The following KLHL5 variants were observed in gnomAD, a reference collection of about 807,000 sequenced individuals.
KLHL5 encodes the protein kelch-like protein 5.
Under a neutral mutation model 77.7 loss-of-function variants are expected in KLHL5, and 48 were observed. That is an observed-to-expected ratio of 0.62 (90% CI 0.49 to 0.79). The LOEUF is 0.79. Among genes scored for constraint, KLHL5 ranks in the 30% least tolerant of loss-of-function variants. The pLI is 0.00. For missense variants in KLHL5, 723 were observed against 859.7 expected (o/e 0.84, Z 1.99); for synonymous variants, 260 against 297.0 (o/e 0.88, Z 1.28).
At chr4:39,058,239 T>C (rs930586429), upstream of KLHL5, among the ~76,000 whole-genome samples, 12 of 152,164 alleles carry the variant, frequency 7.9e-5, no homozygotes, top group Non-Finnish European at 1.8e-4. Flanking sequence ...TGTTTAGCCA[T>C]TGGATTTCAA....
chr4:39,130,529 T>G (rs1252681184), downstream of KLHL5, among the ~76,000 whole-genome samples: 1 of 152,166 alleles, frequency 6.6e-6, no homozygotes, highest in Non-Finnish European at 1.5e-5. Flanking sequence ...TATGGCCAGA[T>G]TTTGGGGGGC....
intron 1 of KLHL5, among the ~76,000 whole-genome samples, chr4:39,067,042 A>G (rs1717951823): frequency 6.6e-6 from 1 of 152,266 alleles, no homozygotes; most frequent in South Asian, 2.1e-4. Context: ...CATGGGTTAT[A>G]GTAATGAACC....
At chr4:39,061,904 G>A (rs1443079404), upstream of KLHL5, among the ~76,000 whole-genome samples, 2 of 152,052 alleles carry the variant, frequency 1.3e-5, no homozygotes, top group Non-Finnish European at 2.9e-5. Context: ...ATCTTACCCA[G>A]GATCTTACTG....
downstream of KLHL5, chr4:39,126,950 A>G: frequency 2.8e-6 from 1 of 354,892 alleles, no homozygotes; most frequent in Non-Finnish European, 5.5e-6. Flanking sequence ...CAAAATGTGT[A>G]CAAATGTAAT....
chr4:39,141,304 C>CTTTT, the KLHL5 span, among the ~76,000 whole-genome samples: 8 of 75,618 alleles, frequency 1.1e-4, no homozygotes, highest in African/African-American at 1.5e-4. Context: ...ATTTTTTAGT[C>CTTTT]TTTTTTTTTT....
the KLHL5 span, among the ~76,000 whole-genome samples, chr4:39,137,483 G>T: frequency 6.6e-6 from 1 of 152,214 alleles, no homozygotes; most frequent in East Asian, 1.9e-4. Context: ...AATTATCTGA[G>T]CATGGTGGTG....
chr4:39,092,857 C>T (rs1318002827), intron 5 of KLHL5, among the ~76,000 whole-genome samples: 1 of 152,142 alleles, frequency 6.6e-6, no homozygotes, highest in Non-Finnish European at 1.5e-5. Context: ...GACAAACTAA[C>T]AATTGGCGAG....
At chr4:39,093,408 TG>T (rs1216026720) in intron 5 of KLHL5, 2 of 455,876 alleles carry the variant, frequency 4.4e-6, no homozygotes, top group Non-Finnish European at 8.8e-6. Context: ...GTTTCAAAAC[TG>T]TTTTATGGTA....
chr4:39,076,128 C>T lies in KLHL5; in HGVS notation c.547C>T (p.Arg183Cys), dbSNP rs757541285. Residue 183 changes from arginine (R) to cysteine (C), a missense_variant, in exon 2 of 11, where the codon CGC (arginine) becomes TGC (cysteine). By Grantham distance (180) the Arg-to-Cys change is radical. This residue lies in a region of KLHL5 where 221 missense variants were observed against 222.1 expected (regional missense o/e 1.00). Coordinates refer to ENST00000504108, the MANE Select transcript of KLHL5 (RefSeq NM_015990.5). ...TGATGTAATTTTAGTCGCTGGTGATCGCAGAATTCCAGCTCACAGGTAGTT... is the reference window on the plus strand; with the variant it reads ...TGATGTAATTTTAGTCGCTGGTGATTGCAGAATTCCAGCTCACAGGTAGTT... The part of the protein sequence containing the change: ...LCDVILVAGD[R>C]RIPAHRLVLS... 8 of 1,602,650 alleles carry T rather than the reference C, an allele frequency of 5.0e-6. No individual in the cohort carries two copies. Among genetic ancestry groups the T allele is most frequent in the East Asian group, 2.2e-5 (1 of 44,584 alleles).
intron 5 of KLHL5, chr4:39,093,185 A>C (rs1001098088): frequency 2.0e-5 from 9 of 454,224 alleles, no homozygotes; most frequent in Non-Finnish European, 2.7e-5. Context: ...AAAGAAATGA[A>C]GCACTGATAC....
intron 5 of KLHL5, among the ~76,000 whole-genome samples, chr4:39,093,839 G>A (rs1336296060): frequency 6.6e-6 from 1 of 152,050 alleles, no homozygotes; most frequent in Non-Finnish European, 1.5e-5. Context: ...CTGGGAGGCA[G>A]AGGTTGCAGT....
chr4:39,093,068 A>T (rs945472071), intron 5 of KLHL5: 12 of 455,810 alleles, frequency 2.6e-5, no homozygotes, highest in African/African-American at 2.4e-4. Flanking sequence ...TGGCAGCTTT[A>T]TTCATAATAG....
In KLHL5 at chr4:39,083,263, G is replaced by A. The variant is rs569213042; in HGVS notation, c.900+1104G>A. The stretch of plus-strand genomic sequence containing the variant: ...CATGAGCTTGGTGTGAGGATTAGAT[G>A]AGTTAATGGAATTTTAACACTCAGA... On this transcript the variant is annotated intron_variant, in intron 4 of 10. Coordinates refer to ENST00000504108, the MANE Select transcript of KLHL5 (RefSeq NM_015990.5). Among the ~76,000 whole-genome samples the A allele has an allele frequency of 3.3e-5, 5 of 152,244 alleles. No individual in the cohort carries two copies. In the South Asian group the frequency reaches 1.0e-3, roughly 32 times the overall value.
the KLHL5 span, among the ~76,000 whole-genome samples, chr4:39,138,123 C>T: frequency 2.8e-5 from 3 of 106,266 alleles, no homozygotes; most frequent in Non-Finnish European, 6.8e-5. Flanking sequence ...AAGTTACACA[C>T]AAGTGAAAAA....
At chr4:39,056,880 G>A (rs901180330) in intron 1 of KLHL5, among the ~76,000 whole-genome samples, 2 of 152,044 alleles carry the variant, frequency 1.3e-5, no homozygotes, top group African/African-American at 4.8e-5. Flanking sequence ...CATCCTATAA[G>A]GTCTCTGTAA....
In KLHL5 at chr4:39,121,155, G is replaced by T; in HGVS notation, c.*89G>T. 1 of 1,030,738 alleles carries T rather than the reference G, an allele frequency of 9.7e-7. No individual in the cohort carries two copies. Among genetic ancestry groups the T allele is most frequent in the Admixed American group, 1.8e-5 (1 of 54,386 alleles). The allele number at this position is 1,030,738 out of a possible 1,614,324, so 63.8% of individuals were successfully genotyped here. Reference sequence around the variant, plus strand: ...ATCAATGGATACATTTTTAGTAAATGTGCATTGTCACAATCCTGGGCACAA... The same window carrying T: ...ATCAATGGATACATTTTTAGTAAATTTGCATTGTCACAATCCTGGGCACAA... On this transcript the variant is annotated 3_prime_UTR_variant, in exon 11 of 11. Transcript: ENST00000504108.
At chr4:39,052,742 G>T (rs1023857022) in intron 1 of KLHL5, among the ~76,000 whole-genome samples, 3 of 152,150 alleles carry the variant, frequency 2.0e-5, no homozygotes, top group Admixed American at 6.5e-5. Context: ...CAGAAAGAAG[G>T]AATACTCAAG....
intron 10 of KLHL5, chr4:39,115,910 C>G (rs1277513507): frequency 1.0e-6 from 1 of 988,988 alleles, no homozygotes; most frequent in Non-Finnish European, 1.2e-6. Flanking sequence ...TCCATCATCA[C>G]CAAGAACAGA....
chr4:39,120,112 A>C (rs1318198791), intron 10 of KLHL5: 2 of 152,202 alleles, frequency 1.3e-5, no homozygotes, highest in Non-Finnish European at 2.9e-5. Context: ...TAACATATAT[A>C]AGTACAAAGC....
Sources: allele counts gnomAD v4.1 joint callset (sites outside exome capture counted in the v4.1 genomes callset), GRCh38; gene constraint gnomAD v4.1.1; regional missense constraint gnomAD v4.1.1; transcripts MANE v1.5; gene names NCBI Gene and HGNC (gene_info 2026-07-23, HGNC 2026-07-21).